Variants in PHF24 observed in about 807,000 individuals in gnomAD.
The protein encoded by PHF24 is Galpha inhibitory interacting protein.
In PHF24, 25 loss-of-function variants were observed where a neutral mutation model predicts 42.6. The ratio of observed to expected loss-of-function variants is 0.59; its 90% confidence interval spans 0.43 to 0.82. PHF24 has a LOEUF of 0.82. Among genes scored for constraint, PHF24 ranks in the 40% least tolerant of loss-of-function variants. The pLI is 0.00. For synonymous variants in PHF24, 185 were observed against 204.8 expected, an observed-to-expected ratio of 0.90 and a Z score of 0.83; for missense variants, 470 against 538.1, an observed-to-expected ratio of 0.87 and a Z score of 1.25.
chr9:34,795,425 C>A, the PHF24 span, among the ~76,000 whole-genome samples: 1 of 151,564 alleles, frequency 6.6e-6, no homozygotes, highest in East Asian at 1.9e-4. Context: ...AAAAGGAAGA[C>A]TAAAAGAATT....
At chr9:34,720,451 C>CAA in the PHF24 span, among the ~76,000 whole-genome samples, 347 of 34,512 alleles carry the variant, frequency 0.01, 18 homozygotes, top group Non-Finnish European at 0.012. Context: ...GACTCCGTCT[C>CAA]AAAAAAAAAA....
the PHF24 span, among the ~76,000 whole-genome samples, chr9:34,931,391 AAAAG>A: frequency 6.6e-6 from 1 of 150,428 alleles, no homozygotes; most frequent in South Asian, 2.1e-4. Flanking sequence ...AAAAAAAAAA[AAAAG>A]AATGGTATAA....
At chr9:34,774,752 G>A in the PHF24 span, among the ~76,000 whole-genome samples, 2 of 152,028 alleles carry the variant, frequency 1.3e-5, no homozygotes, top group Non-Finnish European at 2.9e-5. Context: ...CAGCCTAGGC[G>A]ACAAGAGTGA....
At chr9:34,910,097 A>G in the PHF24 span, among the ~76,000 whole-genome samples, 1 of 152,200 alleles carries the variant, frequency 6.6e-6, no homozygotes, top group Non-Finnish European at 1.5e-5. Flanking sequence ...TACTGTTTCA[A>G]CCAGCCATAA....
At chr9:34,952,120 A>ATTGTCTGCATGAAAACACATT in the PHF24 span, among the ~76,000 whole-genome samples, 1 of 152,328 alleles carries the variant, frequency 6.6e-6, no homozygotes, top group African/African-American at 2.4e-5. Context: ...AGAGAACACA[A>ATTGTCTGCATGAAAACACATT]TTGTCTGCAT....
chr9:34,668,387 C>G, the PHF24 span, among the ~76,000 whole-genome samples: 1 of 152,124 alleles, frequency 6.6e-6, no homozygotes. Flanking sequence ...CACACAGGTG[C>G]ACACAAAGGG....
chr9:34,875,088 C>A, the PHF24 span, among the ~76,000 whole-genome samples: 3 of 152,224 alleles, frequency 2.0e-5, no homozygotes, highest in African/African-American at 7.2e-5. Flanking sequence ...ACCCATGAAC[C>A]ATTTTCACCT....
chr9:34,846,477 T>A, the PHF24 span, among the ~76,000 whole-genome samples: 1 of 152,088 alleles, frequency 6.6e-6, no homozygotes, highest in East Asian at 1.9e-4. Context: ...TTGTTTGAGT[T>A]CATTGTAGAT....
At chr9:34,873,942 T>G in the PHF24 span, among the ~76,000 whole-genome samples, 1 of 152,226 alleles carries the variant, frequency 6.6e-6, no homozygotes, top group African/African-American at 2.4e-5. Flanking sequence ...TTCCTAGGTA[T>G]TTTATTCTCT....
the PHF24 span, among the ~76,000 whole-genome samples, chr9:34,769,938 A>G: frequency 1.8e-4 from 27 of 152,298 alleles, no homozygotes; most frequent in African/African-American, 5.8e-4. Flanking sequence ...TGAAAAAATC[A>G]TATATAAATA....
At chr9:34,727,601 C>T in the PHF24 span, among the ~76,000 whole-genome samples, 1 of 152,206 alleles carries the variant, frequency 6.6e-6, no homozygotes, top group Non-Finnish European at 1.5e-5. Context: ...GTCATGTCAG[C>T]AGAGTCTAGC....
chr9:34,955,030 G>A (rs1328724009), upstream of PHF24, among the ~76,000 whole-genome samples: 2 of 152,022 alleles, frequency 1.3e-5, no homozygotes, highest in East Asian at 3.8e-4. Context: ...AATTTTACAC[G>A]ACAGCACAGC....
the PHF24 span, among the ~76,000 whole-genome samples, chr9:34,886,795 A>ATGT: frequency 7.4e-6 from 1 of 134,710 alleles, no homozygotes; most frequent in African/African-American, 2.8e-5. Flanking sequence ...CTGTCTATCT[A>ATGT]CTCTATCTAT....
chr9:34,922,462 CA>C, the PHF24 span: 2 of 1,358,388 alleles, frequency 1.5e-6, no homozygotes, highest in African/African-American at 1.4e-5. Context: ...TTGCTGATTT[CA>C]AAAGCTTCTT....
the PHF24 span, among the ~76,000 whole-genome samples, chr9:34,747,054 T>C: frequency 6.6e-6 from 1 of 152,172 alleles, no homozygotes; most frequent in African/African-American, 2.4e-5. Flanking sequence ...TAAAGGTAAG[T>C]ACAGAAGGGG....
chr9:34,763,563 G>C, the PHF24 span, among the ~76,000 whole-genome samples: 7 of 152,170 alleles, frequency 4.6e-5, no homozygotes, highest in Non-Finnish European at 8.8e-5. Flanking sequence ...GTGAGACTTT[G>C]CTGAAGTTGC....
the PHF24 span, among the ~76,000 whole-genome samples, chr9:34,788,849 A>G: frequency 6.6e-6 from 1 of 151,940 alleles, no homozygotes; most frequent in Non-Finnish European, 1.5e-5. Flanking sequence ...CTGAAATGCT[A>G]CCTTAAGATG....
the PHF24 span, among the ~76,000 whole-genome samples, chr9:34,851,050 T>C: frequency 1.3e-5 from 2 of 151,924 alleles, no homozygotes; most frequent in African/African-American, 4.8e-5. Flanking sequence ...GGGTCAGGGG[T>C]CAGGGACCCA....
the PHF24 span, among the ~76,000 whole-genome samples, chr9:34,929,477 C>T: frequency 6.6e-6 from 1 of 152,132 alleles, no homozygotes; most frequent in South Asian, 2.1e-4. Flanking sequence ...ATCTCCAGCA[C>T]CTAGCACAGG....
Sources: gnomAD v4.1 joint callset for allele counts (sites outside exome capture counted in the v4.1 genomes callset) on GRCh38, gnomAD v4.1.1 for gene constraint, MANE v1.5 for transcripts, NCBI Gene and HGNC (gene_info 2026-07-23, HGNC 2026-07-21) for gene names.